The following EYS variants were observed in gnomAD, a reference collection of about 807,000 sequenced individuals.
EYS encodes EGF-like photoreceptor maintenance factor, also known as protein eyes shut homolog.
In EYS, 250 loss-of-function variants were observed where a neutral mutation model predicts 282.1. The ratio of observed to expected loss-of-function variants is 0.89; its 90% CI spans 0.80 to 0.98. EYS has a LOEUF of 0.98. EYS is among the 50% of genes least tolerant of loss of function. The pLI, the probability that EYS is intolerant of heterozygous loss-of-function variation, is 0.00. For missense variants in EYS, 4,016 were observed against 3,709.0 expected, an observed-to-expected ratio of 1.08 and a Z score of -2.15; for synonymous variants, 1,355 against 1,282.9, an observed-to-expected ratio of 1.06 and a Z score of -1.20.
At chr6:64,315,308 T>C (rs1179328713) in intron 29 of EYS, among the ~76,000 whole-genome samples, 3 of 152,168 alleles carry the variant, frequency 2.0e-5, no homozygotes, top group Non-Finnish European at 4.4e-5. Context: ...CAGGATCAGA[T>C]GGATTCACAG....
chr6:64,434,447 G>A (rs1234002526), intron 28 of EYS, among the ~76,000 whole-genome samples: 1 of 152,064 alleles, frequency 6.6e-6, no homozygotes, highest in African/African-American at 2.4e-5. Flanking sequence ...ATTGTTTAGT[G>A]TGTGTTAATT....
intron 12 of EYS, among the ~76,000 whole-genome samples, chr6:65,232,008 T>C (rs1456888040): frequency 6.6e-6 from 1 of 151,966 alleles, no homozygotes; most frequent in African/African-American, 2.4e-5. Context: ...ATCTAAGTGT[T>C]TATATTTCTT....
chr6:64,616,473 A>G (rs1767278984), intron 24 of EYS, among the ~76,000 whole-genome samples: 1 of 152,152 alleles, frequency 6.6e-6, no homozygotes, highest in African/African-American at 2.4e-5. Flanking sequence ...ATATCCTTTA[A>G]GAGGGAACAG....
chr6:63,945,501 G>A (rs1452792893), intron 35 of EYS, among the ~76,000 whole-genome samples: 2 of 152,132 alleles, frequency 1.3e-5, no homozygotes, highest in Non-Finnish European at 2.9e-5. Flanking sequence ...GTTTAGGGAG[G>A]TTAATGGCAA....
intron 29 of EYS, among the ~76,000 whole-genome samples, chr6:64,333,676 C>T (rs1770726820): frequency 6.6e-6 from 1 of 152,128 alleles, no homozygotes. Context: ...CTTGGTATTC[C>T]TCTGGTCATC....
chr6:65,139,002 A>G (rs1344084862), intron 12 of EYS, among the ~76,000 whole-genome samples: 5 of 152,132 alleles, frequency 3.3e-5, no homozygotes, highest in African/African-American at 9.7e-5. Flanking sequence ...AAACTAGTTC[A>G]GCCATTGTGG....
At chr6:64,174,124 A>G (rs1444113309) in intron 31 of EYS, among the ~76,000 whole-genome samples, 2 of 152,152 alleles carry the variant, frequency 1.3e-5, no homozygotes, top group Non-Finnish European at 2.9e-5. Context: ...AGTCAAATCT[A>G]TCTATTTTTA....
chr6:64,769,321 A>C (rs1175422373), intron 22 of EYS, among the ~76,000 whole-genome samples: 2 of 152,112 alleles, frequency 1.3e-5, no homozygotes, highest in Non-Finnish European at 2.9e-5. Context: ...AAAAGCAGCC[A>C]CAGAAAGACA....
intron 36 of EYS, among the ~76,000 whole-genome samples, chr6:63,838,803 T>C (rs2149696080): frequency 6.6e-6 from 1 of 152,266 alleles, no homozygotes; most frequent in African/African-American, 2.4e-5. Context: ...CAGTCTCCCT[T>C]TCTTCTCTAT....
intron 22 of EYS, among the ~76,000 whole-genome samples, chr6:64,776,071 G>A (rs1562185352): frequency 6.6e-6 from 1 of 151,958 alleles, no homozygotes. Context: ...AAATCAAAAC[G>A]GGCTGCTGAA....
At chr6:65,133,318 A>T (rs902567993) in intron 12 of EYS, among the ~76,000 whole-genome samples, 3 of 151,976 alleles carry the variant, frequency 2.0e-5, no homozygotes, top group African/African-American at 7.2e-5. Context: ...AACACCAAAC[A>T]AGCAAACAAC....
intron 22 of EYS, among the ~76,000 whole-genome samples, chr6:64,784,574 C>T (rs1193764453): frequency 1.3e-5 from 2 of 152,096 alleles, no homozygotes; most frequent in African/African-American, 2.4e-5. Context: ...GAGAGCCTGG[C>T]ACATCATAAA....
At chr6:65,312,832 T>C (rs1769197221) in intron 11 of EYS, among the ~76,000 whole-genome samples, 1 of 152,160 alleles carries the variant, frequency 6.6e-6, no homozygotes, top group African/African-American at 2.4e-5. Context: ...CCTAGTTCAA[T>C]GTTCCTGTAA....
intron 26 of EYS, among the ~76,000 whole-genome samples, chr6:64,510,154 A>G (rs1777338247): frequency 1.3e-5 from 2 of 152,272 alleles, no homozygotes; most frequent in South Asian, 4.1e-4. Context: ...AAAAGGTAGA[A>G]TATCATAAAA....
At chr6:64,344,696 C>T (rs529069131) in intron 29 of EYS, among the ~76,000 whole-genome samples, 6 of 152,056 alleles carry the variant, frequency 3.9e-5, no homozygotes, top group East Asian at 1.9e-4. Flanking sequence ...AAGTTCTGGC[C>T]AGGGCAATCA....
At chr6:64,023,169 C>A (rs1769274212) in intron 33 of EYS, among the ~76,000 whole-genome samples, 1 of 152,208 alleles carries the variant, frequency 6.6e-6, no homozygotes. Context: ...TTAATTCATG[C>A]TGTAGCAAGT....
At chr6:64,183,635 T>A (rs941593784) in intron 31 of EYS, among the ~76,000 whole-genome samples, 2 of 152,182 alleles carry the variant, frequency 1.3e-5, no homozygotes, top group African/African-American at 4.8e-5. Context: ...TACAGGCTAG[T>A]ATAATTTCTA....
intron 19 of EYS, among the ~76,000 whole-genome samples, chr6:64,854,913 C>T (rs1026410468): frequency 1.1e-4 from 16 of 151,760 alleles, no homozygotes; most frequent in Admixed American, 1.1e-3. Flanking sequence ...TCCTTTCGGC[C>T]TATTTTTCTT....
At chr6:63,981,538 T>A (rs181799382) in intron 35 of EYS, among the ~76,000 whole-genome samples, 1 of 151,930 alleles carries the variant, frequency 6.6e-6, no homozygotes, top group East Asian at 1.9e-4. Flanking sequence ...GCAATCAAAA[T>A]AGAAAGCATG....
Sources: gnomAD v4.1 joint callset for allele counts (sites outside exome capture counted in the v4.1 genomes callset) on GRCh38, gnomAD v4.1.1 for gene constraint, MANE v1.5 for transcripts, NCBI Gene and HGNC (gene_info 2026-07-23, HGNC 2026-07-21) for gene names.